PARD3B: variants seen among roughly 807,000 people sequenced by gnomAD.
PARD3B encodes the protein par-3 family cell polarity regulator beta.
In PARD3B, 103 loss-of-function variants were observed where a neutral mutation model predicts 130.2. The ratio of observed to expected loss-of-function variants is 0.79; its 90% CI spans 0.67 to 0.93. PARD3B has a LOEUF of 0.93. Among genes scored for constraint, PARD3B ranks in the 40% least tolerant of loss-of-function variants. PARD3B has a pLI of 0.00. For synonymous variants in PARD3B, 583 were observed against 553.2 expected, an observed-to-expected ratio of 1.05 and a Z score of -0.76; for missense variants, 1,609 against 1,499.2, an observed-to-expected ratio of 1.07 and a Z score of -1.21.
intron 4 of PARD3B, among the ~76,000 whole-genome samples, chr2:205,101,540 A>G (rs1351592016): frequency 6.6e-6 from 1 of 152,218 alleles, no homozygotes; most frequent in Non-Finnish European, 1.5e-5. Flanking sequence ...AGCGTACGCC[A>G]GAGAACAGAA....
At chr2:204,755,769 A>T (rs146132360) in intron 2 of PARD3B, among the ~76,000 whole-genome samples, 4 of 152,282 alleles carry the variant, frequency 2.6e-5, no homozygotes, top group African/African-American at 9.6e-5. Context: ...CAAAAGAAAT[A>T]AGCTCTTACC....
At chr2:205,162,658 A>G (rs945675749) in intron 11 of PARD3B, among the ~76,000 whole-genome samples, 5 of 152,234 alleles carry the variant, frequency 3.3e-5, no homozygotes, top group African/African-American at 1.2e-4. Flanking sequence ...ATGATTTTCT[A>G]AAATGTTGCT....
chr2:204,880,958 A>G (rs1010894074), intron 2 of PARD3B, among the ~76,000 whole-genome samples: 21 of 152,176 alleles, frequency 1.4e-4, no homozygotes, highest in African/African-American at 4.6e-4. Context: ...ATTAAGAAAA[A>G]ATCAGAGATC....
At chr2:205,605,744 G>C (rs941260698) in intron 22 of PARD3B, among the ~76,000 whole-genome samples, 6 of 152,360 alleles carry the variant, frequency 3.9e-5, no homozygotes, top group African/African-American at 1.4e-4. Flanking sequence ...ACTGGGACCT[G>C]CTTAATGAAG....
chr2:205,188,853 C>T (rs898929243), intron 14 of PARD3B, among the ~76,000 whole-genome samples: 23 of 149,836 alleles, frequency 1.5e-4, no homozygotes, highest in Non-Finnish European at 2.7e-4. Context: ...TGAGGCTAAT[C>T]TTGTAAAAGA....
At chr2:204,845,516 G>GCAAT (rs1425173881) in intron 2 of PARD3B, among the ~76,000 whole-genome samples, 7 of 151,930 alleles carry the variant, frequency 4.6e-5, no homozygotes, top group African/African-American at 1.7e-4. Context: ...TGTAAGGGGT[G>GCAAT]GTAACACCTT....
At chr2:204,790,705 C>T (rs923603551) in intron 2 of PARD3B, among the ~76,000 whole-genome samples, 14 of 152,128 alleles carry the variant, frequency 9.2e-5, no homozygotes, top group Admixed American at 4.6e-4. Context: ...AAATCCTGGC[C>T]TCTAGGTTGT....
At chr2:204,571,730 T>C (rs1171313375) in intron 1 of PARD3B, among the ~76,000 whole-genome samples, 1 of 152,222 alleles carries the variant, frequency 6.6e-6, no homozygotes, top group Non-Finnish European at 1.5e-5. Context: ...CTATGTGTAT[T>C]AGGGACTTAA....
chr2:205,302,048 TTTTTCTTTTTTCTTTTC>T (rs2042023004), intron 18 of PARD3B: 1 of 491,300 alleles, frequency 2.0e-6, no homozygotes, highest in Non-Finnish European at 3.5e-6. Context: ...CCCTATTCTT[TTTTTCTTTTTTCTTTTC>T]TTTTTTTTTT....
At position 205,563,319 on chromosome 2, in the gene PARD3B, G is replaced by A. The variant is rs1442409570; in HGVS notation, c.3260+9916G>A. Among the ~76,000 whole-genome samples, 3 of 152,176 alleles carry A rather than the reference G, an allele frequency of 2.0e-5. No individual in the cohort carries two copies. The highest frequency in any genetic ancestry group is 7.2e-5 in the African/African-American group (3 of 41,442). ...TATGTCTGTACGTTTTGCATGCCTT[G>A]TCTCATTTTATCCTCACTGTCCAGC... On this transcript the variant is annotated intron_variant, in intron 22 of 22. Coordinates refer to ENST00000406610, the MANE Select transcript of PARD3B (RefSeq NM_001302769.2). This position sits in a 1 kb window ranked among gnomAD's most constrained non-coding sequence, Gnocchi z 4.2.
At chr2:205,429,286 G>C (rs562091445) in intron 19 of PARD3B, among the ~76,000 whole-genome samples, 1 of 152,112 alleles carries the variant, frequency 6.6e-6, no homozygotes, top group South Asian at 2.1e-4. Flanking sequence ...ACTAACTCCT[G>C]ACTCTGAAAA....
chr2:204,786,751 A>G (rs560352027), intron 2 of PARD3B, among the ~76,000 whole-genome samples: 1 of 151,396 alleles, frequency 6.6e-6, no homozygotes, highest in East Asian at 2.0e-4. Flanking sequence ...AACAAGAGTC[A>G]TTTCAGAGAT....
chr2:205,447,161 T>A (rs1165057529), intron 20 of PARD3B, among the ~76,000 whole-genome samples: 2 of 152,202 alleles, frequency 1.3e-5, no homozygotes, highest in African/African-American at 2.4e-5. Context: ...AATTTTAAAA[T>A]GAGACTTTAA....
At chr2:204,956,351 T>C (rs1431280113) in intron 2 of PARD3B, among the ~76,000 whole-genome samples, 1 of 152,160 alleles carries the variant, frequency 6.6e-6, no homozygotes, top group Non-Finnish European at 1.5e-5. Context: ...AATATGGATG[T>C]TACAATATTG....
rs1356928093 is a variant in PARD3B at position 205,499,981 on chromosome 2, T to C, written c.3130T>C (p.Tyr1044His). ...GGCTCGGAGGGAAGGTTTCCCTTTATATGAAGACGACGAAGGAAGAGCAAG... is the reference window on the plus strand; with the variant it reads ...GGCTCGGAGGGAAGGTTTCCCTTTACATGAAGACGACGAAGGAAGAGCAAG... ...YQARREGFPL[Y>H]EDDEGRARPS... The change falls in exon 21 of 23, where the codon TAT becomes CAT. Residue 1044 changes from tyrosine (Y) to histidine (H), a missense_variant. Coordinates refer to ENST00000406610, the MANE Select transcript of PARD3B (RefSeq NM_001302769.2). 1.2e-6 allele frequency: 2 copies of C among 1,613,844 alleles called. No individual in the cohort carries two copies. Among genetic ancestry groups the C allele is most frequent in the Admixed American group, 3.3e-5 (2 of 59,988 alleles).
intron 21 of PARD3B, among the ~76,000 whole-genome samples, chr2:205,517,957 T>C (rs539761074): frequency 1.5e-4 from 23 of 152,300 alleles, no homozygotes; most frequent in Admixed American, 1.3e-4. Flanking sequence ...GTGTTTGTTA[T>C]GATTTTGGTT....
At position 205,616,224 on chromosome 2, in the gene PARD3B, C is replaced by T. The variant is rs968975355; in HGVS notation, c.*411C>T. ...CTGGCGGTCCAGAGGCAGTCTCTGC[C>T]AGGCAGCATTACCCGCTCCGAGGTG... On this transcript the variant is annotated 3_prime_UTR_variant, in exon 23 of 23. Coordinates refer to ENST00000406610, the MANE Select transcript of PARD3B (RefSeq NM_001302769.2). 1 of 173,776 alleles carries T rather than the reference C, an allele frequency of 5.8e-6. No homozygotes were observed. Among genetic ancestry groups the T allele is most frequent in the African/African-American group, 2.4e-5 (1 of 41,984 alleles). The allele number at this position is 173,776 out of a possible 1,614,324, so 10.8% of individuals were successfully genotyped here.
intron 11 of PARD3B, among the ~76,000 whole-genome samples, chr2:205,159,761 C>A (rs994419774): frequency 9.8e-5 from 15 of 152,312 alleles, no homozygotes; most frequent in African/African-American, 3.6e-4. Context: ...TTGAATTCTG[C>A]CTTACCTACT....
chr2:205,360,728 C>T (rs139978725), intron 18 of PARD3B, among the ~76,000 whole-genome samples: 4 of 152,170 alleles, frequency 2.6e-5, no homozygotes, highest in Non-Finnish European at 5.9e-5. Flanking sequence ...GTCTGTGACA[C>T]ACTAGCTTTG....
Sources: allele counts gnomAD v4.1 joint callset (sites outside exome capture counted in the v4.1 genomes callset), GRCh38; gene constraint gnomAD v4.1.1; non-coding constraint Gnocchi (gnomAD v3.1); transcripts MANE v1.5; gene names NCBI Gene and HGNC (gene_info 2026-07-23, HGNC 2026-07-21).